Variants in PDE1C observed in about 807,000 individuals in gnomAD.
PDE1C encodes the protein dual specificity calcium/calmodulin-dependent 3',5'-cyclic nucleotide phosphodiesterase 1C.
A neutral mutation model predicts 93.1 loss-of-function variants in PDE1C; 62 were observed. That is an observed-to-expected ratio of 0.67 (90% CI 0.54 to 0.82). The LOEUF (loss-of-function observed/expected upper bound fraction) is 0.82, where lower values mean the gene tolerates loss of function less well. Among genes scored for constraint, PDE1C ranks in the 40% least tolerant of loss-of-function variants. The probability of loss-of-function intolerance (pLI) is 0.00; values close to 1 mark genes in which losing one functional copy is unlikely to be tolerated. For missense variants in PDE1C, 742 were observed against 884.6 expected (o/e 0.84, Z 2.04); for synonymous variants, 325 against 310.1 (o/e 1.05, Z -0.50).
chr7:32,349,144 C>G (rs1783909484), intron 1 of PDE1C, among the ~76,000 whole-genome samples: 3 of 152,220 alleles, frequency 2.0e-5, no homozygotes, highest in African/African-American at 7.2e-5. Context: ...TCGCAGTCAC[C>G]TGTGGCCTCT....
At chr7:31,617,431 A>G in the PDE1C span, among the ~76,000 whole-genome samples, 2 of 152,192 alleles carry the variant, frequency 1.3e-5, no homozygotes, top group African/African-American at 4.8e-5. Context: ...TAATAACCAA[A>G]TCTCCCCAAC....
chr7:31,978,622 T>C (rs2129056705), intron 2 of PDE1C, among the ~76,000 whole-genome samples: 1 of 152,296 alleles, frequency 6.6e-6, no homozygotes, highest in African/African-American at 2.4e-5. Flanking sequence ...GCAGATTCTC[T>C]TGCCAAGACC....
At chr7:31,630,975 A>T in the PDE1C span, among the ~76,000 whole-genome samples, 5 of 152,190 alleles carry the variant, frequency 3.3e-5, no homozygotes, top group African/African-American at 1.2e-4. Flanking sequence ...TATGGAAGGA[A>T]CATAAATTGT....
chr7:32,330,779 T>C (rs1427017354), intron 1 of PDE1C, among the ~76,000 whole-genome samples: 3 of 152,156 alleles, frequency 2.0e-5, no homozygotes, highest in Non-Finnish European at 4.4e-5. Context: ...CCCAAGCTTG[T>C]TCTGTCCCCA....
chr7:31,848,216 T>A (rs1197022205), intron 8 of PDE1C, 120 bp from the exon 9 acceptor site: 5 of 962,566 alleles, frequency 5.2e-6, no homozygotes, highest in Non-Finnish European at 7.8e-6. Context: ...TTTGTCCCCA[T>A]GCCAGTTATA....
intron 3 of PDE1C, among the ~76,000 whole-genome samples, chr7:32,139,596 G>T (rs1197149633): frequency 6.6e-6 from 1 of 152,068 alleles, no homozygotes; most frequent in Non-Finnish European, 1.5e-5. Flanking sequence ...GGTTTTTCCA[G>T]GTAAAGTGTA....
Position 32,420,154 on chromosome 7 carries a change from CACACATATATATGTGTATATATAT to C in PDE1C, c.310+7644_310+7667del, listed in dbSNP as rs1231534170. Among the ~76,000 whole-genome samples the C allele has an allele frequency of 1.6e-4, 7 of 44,606 alleles. 1 individual carries two copies. In the East Asian group the frequency reaches 3.0e-3, roughly 19 times the overall value. 29.3% of individuals were successfully genotyped at this position (44,606 alleles called of 152,430 possible). ...ACACACACACACACACACACACACACACACATATATATGTGTATATATATACACATATATATGTGTATATATATA... is the reference window on the plus strand; with the variant it reads ...ACACACACACACACACACACACACACACACATATATATGTGTATATATATA... On this transcript the variant is annotated intron_variant, in intron 1 of 1. Coordinates refer to the PDE1C transcript ENST00000672256.
chr7:31,800,383 A>C (rs563957466), intron 16 of PDE1C, among the ~76,000 whole-genome samples: 3 of 151,552 alleles, frequency 2.0e-5, no homozygotes, highest in Non-Finnish European at 3.0e-5. Context: ...TACATTTTAC[A>C]TTTAGCTTTA....
intron 2 of PDE1C, among the ~76,000 whole-genome samples, chr7:32,185,947 CT>C (rs1189446506): frequency 3.3e-5 from 5 of 152,114 alleles, no homozygotes; most frequent in Admixed American, 3.3e-4. Context: ...ATTTCATTGC[CT>C]TTTTAAAGTG....
chr7:32,164,373 A>G (rs1026166935), intron 3 of PDE1C, among the ~76,000 whole-genome samples: 4 of 152,202 alleles, frequency 2.6e-5, no homozygotes, highest in African/African-American at 9.6e-5. Context: ...TATAACTCAA[A>G]CTATATATCC....
chr7:32,125,244 AT>A (rs1410621863), intron 3 of PDE1C, among the ~76,000 whole-genome samples: 13 of 152,370 alleles, frequency 8.5e-5, no homozygotes, highest in Non-Finnish European at 1.9e-4. Flanking sequence ...CTATGGAGAA[AT>A]AGGAACACTT....
chr7:31,786,441 G>A (rs748657838), intron 16 of PDE1C: 12 of 152,258 alleles, frequency 7.9e-5, no homozygotes, highest in South Asian at 2.1e-4. Context: ...GGGTATGCCT[G>A]CATATACTTA....
intron 9 of PDE1C, among the ~76,000 whole-genome samples, chr7:31,843,540 T>C (rs575139124): frequency 6.6e-6 from 1 of 151,882 alleles, no homozygotes; most frequent in Admixed American, 6.6e-5. Context: ...TTGGTACATC[T>C]TACATACTTT....
At chr7:31,993,259 G>A (rs967473135) in intron 2 of PDE1C, among the ~76,000 whole-genome samples, 1 of 152,184 alleles carries the variant, frequency 6.6e-6, no homozygotes, top group African/African-American at 2.4e-5. Flanking sequence ...CAGTATGAAT[G>A]TTTAGCTCAA....
intron 2 of PDE1C, among the ~76,000 whole-genome samples, chr7:31,951,683 G>A (rs928569626): frequency 6.6e-6 from 1 of 152,124 alleles, no homozygotes; most frequent in African/African-American, 2.4e-5. Flanking sequence ...CTTCTCCATG[G>A]CGAAGACTTT....
upstream of PDE1C, among the ~76,000 whole-genome samples, chr7:32,300,463 C>A (rs1812855797): frequency 6.6e-6 from 1 of 152,136 alleles, no homozygotes; most frequent in African/African-American, 2.4e-5. Context: ...GACTGTAATA[C>A]CCATGCCTGG....
intron 1 of PDE1C, among the ~76,000 whole-genome samples, chr7:32,322,019 T>C (rs573903159): frequency 6.6e-6 from 1 of 152,304 alleles, no homozygotes; most frequent in African/African-American, 2.4e-5. Context: ...GTAGTAATAA[T>C]AGTTGAATTC....
intron 8 of PDE1C, among the ~76,000 whole-genome samples, chr7:31,848,403 T>C (rs914449243): frequency 6.6e-6 from 1 of 152,170 alleles, no homozygotes; most frequent in East Asian, 1.9e-4. Context: ...TTTAAAAATA[T>C]GGGTCATGTC....
the PDE1C span, among the ~76,000 whole-genome samples, chr7:31,633,338 C>T: frequency 3.3e-5 from 5 of 152,098 alleles, no homozygotes; most frequent in East Asian, 3.9e-4. Context: ...AATACAAAGA[C>T]GAATTTCCTA....
Sources: gnomAD v4.1 joint callset for allele counts (sites outside exome capture counted in the v4.1 genomes callset) on GRCh38, gnomAD v4.1.1 for gene constraint, MANE v1.5 for transcripts, NCBI Gene and HGNC (gene_info 2026-07-23, HGNC 2026-07-21) for gene names.